The following LRRC4C variants were observed in gnomAD, a reference collection of about 807,000 sequenced individuals.
The protein encoded by LRRC4C is leucine rich repeat containing 4C, also known as leucine-rich repeat-containing protein 4C.
In LRRC4C, 5 loss-of-function variants were observed where a neutral mutation model predicts 33.6. That is an observed-to-expected ratio of 0.15 (90% CI 0.08 to 0.31). The LOEUF (loss-of-function observed/expected upper bound fraction) is 0.31. LRRC4C is among the 10% of genes least tolerant of loss of function. LRRC4C has a pLI of 1.00. For missense variants in LRRC4C, 560 were observed against 796.7 expected (o/e 0.70, Z 3.58); for synonymous variants, 329 against 302.0 (o/e 1.09, Z -0.93).
intron 1 of LRRC4C, among the ~76,000 whole-genome samples, chr11:41,034,662 A>G (rs1185686448): frequency 1.4e-5 from 2 of 145,430 alleles, no homozygotes; most frequent in East Asian, 4.0e-4. Context: ...TTATATATAT[A>G]TATGATATAT....
chr11:41,261,306 C>A (rs1187849786), intron 1 of LRRC4C, among the ~76,000 whole-genome samples: 1 of 152,034 alleles, frequency 6.6e-6, no homozygotes, highest in East Asian at 1.9e-4. Context: ...AACTTCCTGG[C>A]CTTCAGAACA....
At chr11:40,422,685 C>G (rs1324906338) in intron 3 of LRRC4C, among the ~76,000 whole-genome samples, 1 of 130,036 alleles carries the variant, frequency 7.7e-6, no homozygotes, top group Non-Finnish European at 1.7e-5. Context: ...CCGTTATACT[C>G]ATTTTACAAA....
At chr11:41,086,855 G>A in intron 1 of LRRC4C, among the ~76,000 whole-genome samples, 1 of 150,234 alleles carries the variant, frequency 6.7e-6, no homozygotes, top group Non-Finnish European at 1.5e-5. Context: ...AGCCAAACAA[G>A]ATTAATAAGT....
chr11:40,274,878 A>C (rs1388874886), intron 4 of LRRC4C, among the ~76,000 whole-genome samples: 1 of 152,158 alleles, frequency 6.6e-6, no homozygotes, highest in East Asian at 1.9e-4. Flanking sequence ...AGGTGCTGCT[A>C]AGAAGCTACA....
intron 1 of LRRC4C, among the ~76,000 whole-genome samples, chr11:41,402,853 C>T (rs1237565608): frequency 3.3e-5 from 5 of 152,020 alleles, no homozygotes; most frequent in Non-Finnish European, 7.4e-5. Flanking sequence ...TTTCATTTTT[C>T]ACAATAACAA....
At chr11:40,229,109 G>A (rs1590766440) in intron 5 of LRRC4C, among the ~76,000 whole-genome samples, 1 of 152,178 alleles carries the variant, frequency 6.6e-6, no homozygotes. Context: ...AATATTCAAA[G>A]CAAATTTAAT....
chr11:40,665,324 AAATATATATATATATATATATAT>A lies in LRRC4C; in HGVS notation c.-406-17069_-406-17047del, dbSNP rs1565614917. Among the ~76,000 whole-genome samples the A allele has an allele frequency of 2.9e-4, 3 of 10,310 alleles. 1 individual carries two copies. Among genetic ancestry groups the A allele is most frequent in the Non-Finnish European group, 3.7e-4 (2 of 5,344 alleles). The allele number at this position is 10,310 out of a possible 152,430, so 6.8% of individuals were successfully genotyped here. A position where few individuals can be genotyped will look rare whatever the true frequency, so the allele number is the denominator to read the frequency against. Reference sequence around the variant, plus strand: ...TTGCTTTCTTAAAAAAAAAAAAAAAAAATATATATATATATATATATATATATATATATATATATGTATATATA... The same window carrying A: ...TTGCTTTCTTAAAAAAAAAAAAAAAAATATATATATATATATGTATATATA... On this transcript the variant is annotated intron_variant, in intron 2 of 6. Coordinates refer to ENST00000528697, the MANE Select transcript of LRRC4C (RefSeq NM_001258419.2).
chr11:40,753,519 G>T (rs1387111669), intron 2 of LRRC4C, among the ~76,000 whole-genome samples: 1 of 147,386 alleles, frequency 6.8e-6, no homozygotes, highest in East Asian at 2.0e-4. Context: ...CATACCCTGT[G>T]CTACTCAGTT....
chr11:40,410,656 C>A (rs1365427899), intron 3 of LRRC4C, among the ~76,000 whole-genome samples: 1 of 152,102 alleles, frequency 6.6e-6, no homozygotes, highest in African/African-American at 2.4e-5. Flanking sequence ...AGTGTAGGAA[C>A]AAGGCACTTT....
intron 3 of LRRC4C, among the ~76,000 whole-genome samples, chr11:40,618,977 G>T (rs1260199977): frequency 6.6e-6 from 1 of 151,630 alleles, no homozygotes; most frequent in East Asian, 1.9e-4. Context: ...AAGGTCCGGG[G>T]TTAGTATCTC....
intron 2 of LRRC4C, among the ~76,000 whole-genome samples, chr11:40,811,262 A>T (rs1214185133): frequency 6.6e-6 from 1 of 152,118 alleles, no homozygotes; most frequent in Non-Finnish European, 1.5e-5. Context: ...ACTAATCACT[A>T]TTATAATTTC....
At chr11:40,370,581 G>A (rs1259522472) in intron 3 of LRRC4C, among the ~76,000 whole-genome samples, 1 of 152,016 alleles carries the variant, frequency 6.6e-6, no homozygotes, top group Non-Finnish European at 1.5e-5. Flanking sequence ...AACCTATCAA[G>A]ACCCAGGGTC....
chr11:40,425,928 G>A (rs1357162755), intron 3 of LRRC4C, among the ~76,000 whole-genome samples: 3 of 151,762 alleles, frequency 2.0e-5, no homozygotes, highest in African/African-American at 4.8e-5. Flanking sequence ...TCACTTGTTC[G>A]TCTAGCATGC....
At chr11:40,912,716 T>G (rs1173138021) in intron 2 of LRRC4C, among the ~76,000 whole-genome samples, 4 of 152,072 alleles carry the variant, frequency 2.6e-5, no homozygotes, top group African/African-American at 4.8e-5. Context: ...TAAATGTAAA[T>G]GGGCTAAATG....
intron 3 of LRRC4C, among the ~76,000 whole-genome samples, chr11:40,440,662 T>A (rs1397214361): frequency 6.6e-6 from 1 of 152,194 alleles, no homozygotes; most frequent in Non-Finnish European, 1.5e-5. Context: ...TATTTATTCA[T>A]ACAAGGTAAT....
chr11:41,036,359 G>T (rs974911608), intron 1 of LRRC4C, among the ~76,000 whole-genome samples: 5 of 152,192 alleles, frequency 3.3e-5, no homozygotes, highest in Admixed American at 2.6e-4. Context: ...ATGACCCAAA[G>T]GGAACAGAAT....
At chr11:40,183,486 A>C (rs1394231683) in intron 5 of LRRC4C, among the ~76,000 whole-genome samples, 2 of 152,198 alleles carry the variant, frequency 1.3e-5, no homozygotes, top group African/African-American at 4.8e-5. Flanking sequence ...CCTGCTGCCA[A>C]AGAGGTGAGA....
intron 1 of LRRC4C, among the ~76,000 whole-genome samples, chr11:40,997,829 A>G (rs1854094253): frequency 6.6e-6 from 1 of 152,108 alleles, no homozygotes; most frequent in Non-Finnish European, 1.5e-5. Flanking sequence ...GATGTATATT[A>G]ATATACAAAC....
At chr11:41,131,858 G>C (rs1474084092) in intron 1 of LRRC4C, among the ~76,000 whole-genome samples, 2 of 152,068 alleles carry the variant, frequency 1.3e-5, no homozygotes, top group African/African-American at 4.8e-5. Flanking sequence ...TCATCACCAT[G>C]ACATCTTACA....
Sources: gnomAD v4.1 joint callset for allele counts (sites outside exome capture counted in the v4.1 genomes callset) on GRCh38, gnomAD v4.1.1 for gene constraint, MANE v1.5 for transcripts, NCBI Gene and HGNC (gene_info 2026-07-23, HGNC 2026-07-21) for gene names.